The following TAFA2 variants were observed in gnomAD, a reference collection of about 807,000 sequenced individuals.
TAFA2 encodes TAFA chemokine like family member 2, also known as chemokine-like protein TAFA-2.
TAFA2 carries 7 observed loss-of-function variants against 18.8 expected under a neutral mutation model. The ratio of observed to expected loss-of-function variants is 0.37; its 90% CI spans 0.21 to 0.70. TAFA2 has a LOEUF of 0.70. TAFA2 is among the 30% of genes least tolerant of loss of function. TAFA2 has a pLI of 0.53. For synonymous variants in TAFA2, 60 were observed against 54.2 expected (o/e 1.11, Z -0.47); for missense variants, 122 against 158.1 (o/e 0.77, Z 1.23).
At chr12:62,153,790 G>A (rs1186699057) in intron 1 of TAFA2, among the ~76,000 whole-genome samples, 1 of 152,136 alleles carries the variant, frequency 6.6e-6, no homozygotes, top group Non-Finnish European at 1.5e-5. Flanking sequence ...CTTAGGTGCT[G>A]TGTGCTCTTA....
chr12:62,010,611 C>T (rs11174280), intron 1 of TAFA2, among the ~76,000 whole-genome samples: 13,688 of 152,116 alleles, frequency 0.09, 762 homozygotes, highest in Middle Eastern at 0.2. Context: ...CTCTGCCTGG[C>T]TGCCCTGTCT....
chr12:61,978,978 A>G (rs772699253), intron 1 of TAFA2, among the ~76,000 whole-genome samples: 2 of 152,106 alleles, frequency 1.3e-5, no homozygotes, highest in Non-Finnish European at 2.9e-5. Flanking sequence ...CCAAGAGCCT[A>G]GTTCTCCAGT....
intron 1 of TAFA2, among the ~76,000 whole-genome samples, chr12:61,996,667 T>C (rs921208999): frequency 6.6e-6 from 1 of 152,128 alleles, no homozygotes; most frequent in South Asian, 2.1e-4. Context: ...GCACCTCAAA[T>C]AGGCTTTCAC....
chr12:62,086,960 A>G (rs1868481494), intron 1 of TAFA2, among the ~76,000 whole-genome samples: 2 of 152,196 alleles, frequency 1.3e-5, no homozygotes, highest in South Asian at 2.1e-4. Context: ...AGACATAAAA[A>G]AGGAACCAAT....
At chr12:61,726,464 G>A (rs1870172373) in intron 4 of TAFA2, among the ~76,000 whole-genome samples, 1 of 151,914 alleles carries the variant, frequency 6.6e-6, no homozygotes, top group African/African-American at 2.4e-5. Context: ...TTGGTTAGGT[G>A]TACTCCTAGG....
intron 1 of TAFA2, among the ~76,000 whole-genome samples, chr12:62,064,304 A>C (rs1035421860): frequency 1.3e-4 from 20 of 152,156 alleles, no homozygotes; most frequent in African/African-American, 4.8e-4. Flanking sequence ...ATTTTGCCAT[A>C]GTGTATCACT....
At chr12:61,744,402 A>C (rs916135339) in intron 4 of TAFA2, among the ~76,000 whole-genome samples, 3 of 152,152 alleles carry the variant, frequency 2.0e-5, no homozygotes, top group Non-Finnish European at 4.4e-5. Context: ...AATTACAAAA[A>C]TACAGGCCAA....
chr12:62,070,056 G>C (rs2136802398), intron 1 of TAFA2, among the ~76,000 whole-genome samples: 1 of 152,238 alleles, frequency 6.6e-6, no homozygotes, highest in African/African-American at 2.4e-5. Context: ...CTCTCAGCAA[G>C]AAACTAGAGG....
At chr12:62,229,904 A>T (rs2062804835) in intron 1 of TAFA2, among the ~76,000 whole-genome samples, 1 of 151,838 alleles carries the variant, frequency 6.6e-6, no homozygotes, top group Non-Finnish European at 1.5e-5. Flanking sequence ...CTTTGATTTC[A>T]TTATTCATTA....
chr12:61,766,706 T>C (rs116954741), intron 2 of TAFA2, among the ~76,000 whole-genome samples: 3,305 of 152,232 alleles, frequency 0.022, 47 homozygotes, highest in Middle Eastern at 0.037. Flanking sequence ...TTAAAATAAT[T>C]GAAGAACAAA....
At chr12:61,990,622 A>AGCCACC (rs113439655) in intron 1 of TAFA2, among the ~76,000 whole-genome samples, 125,424 of 151,362 alleles carry the variant, frequency 0.83, 52,099 homozygotes, top group Admixed American at 0.87. Flanking sequence ...TACAGGCATG[A>AGCCACC]GCGCCCGGCC....
At chr12:62,010,742 G>A (rs1451116882) in intron 1 of TAFA2, among the ~76,000 whole-genome samples, 1 of 150,492 alleles carries the variant, frequency 6.6e-6, no homozygotes, top group Non-Finnish European at 1.5e-5. Flanking sequence ...GGGAGGTGAG[G>A]GGCGTCTCTG....
chr12:61,912,045 G>A (rs1876633204), intron 1 of TAFA2, among the ~76,000 whole-genome samples: 1 of 152,182 alleles, frequency 6.6e-6, no homozygotes, highest in Admixed American at 6.5e-5. Context: ...TTTATCAAGT[G>A]CCTGTGTGCT....
At chr12:61,877,996 AT>A (rs1277528804) in intron 1 of TAFA2, 1 of 449,884 alleles carries the variant, frequency 2.2e-6, no homozygotes, top group Admixed American at 2.4e-5. Flanking sequence ...TTAAAAAGAA[AT>A]TACAACATAG....
At chr12:61,718,382 G>A (rs1278719053) in intron 4 of TAFA2, among the ~76,000 whole-genome samples, 2 of 152,146 alleles carry the variant, frequency 1.3e-5, no homozygotes, top group African/African-American at 4.8e-5. Context: ...TTTTTAAGTA[G>A]CTAATAAATT....
chr12:62,258,896 T>G (rs1473629470), upstream of TAFA2: 2 of 189,532 alleles, frequency 1.1e-5, no homozygotes, highest in Admixed American at 6.3e-5. Context: ...TTAGAGAAAC[T>G]CTTAATCTTT....
intron 4 of TAFA2, among the ~76,000 whole-genome samples, chr12:61,741,988 C>T (rs1458793503): frequency 6.6e-6 from 1 of 152,072 alleles, no homozygotes; most frequent in Admixed American, 6.6e-5. Flanking sequence ...CCTCCACCTC[C>T]TGGGTTCAAG....
At chr12:62,080,817 T>C (rs1315417615) in intron 1 of TAFA2, among the ~76,000 whole-genome samples, 1 of 152,184 alleles carries the variant, frequency 6.6e-6, no homozygotes, top group African/African-American at 2.4e-5. Flanking sequence ...TCTGTTAATG[T>C]CCATGAAAAG....
rs374496362 is a variant in TAFA2 at position 61,991,183 on chromosome 12, T to G, written c.-1-123757A>C. The stretch of plus-strand genomic sequence containing the variant: ...CTTAATATCTGTGCCTCAGTTTCCT[T>G]ACCGTCAAAATGTGCTCAATTATAG... On this transcript the variant is annotated intron_variant, in intron 1 of 4. Transcript: ENST00000416284. 4.6e-5 allele frequency among the ~76,000 whole-genome samples: 7 copies of G among 152,328 alleles called. 1 individual carries two copies. The highest frequency in any genetic ancestry group is 1.7e-4 in the African/African-American group (7 of 41,572).
Sources: allele counts gnomAD v4.1 joint callset (sites outside exome capture counted in the v4.1 genomes callset), GRCh38; gene constraint gnomAD v4.1.1; transcripts MANE v1.5; gene names NCBI Gene and HGNC (gene_info 2026-07-23, HGNC 2026-07-21).